CDC40: variants seen among roughly 807,000 people sequenced by gnomAD.
The protein encoded by CDC40 is cell division cycle 40.
CDC40 carries 27 observed loss-of-function variants against 80.6 expected under a neutral mutation model. The ratio of observed to expected loss-of-function variants is 0.33; its 90% CI spans 0.25 to 0.46. The LOEUF (loss-of-function observed/expected upper bound fraction) is 0.46. Among genes scored for constraint, CDC40 ranks in the 20% least tolerant of loss-of-function variants. CDC40 has a pLI of 1.00. For missense variants in CDC40, 486 were observed against 694.1 expected (o/e 0.70, Z 3.37); for synonymous variants, 221 against 232.6 (o/e 0.95, Z 0.45).
chr6:110,205,654 C>A (rs920841596), intron 3 of CDC40, among the ~76,000 whole-genome samples: 1 of 152,126 alleles, frequency 6.6e-6, no homozygotes, highest in East Asian at 1.9e-4. Flanking sequence ...ACCAGGGATA[C>A]CTCTTCCCTC....
chr6:110,208,981 T>C, intron 4 of CDC40, 103 bp from the exon 5 acceptor site: 1 of 765,308 alleles, frequency 1.3e-6, no homozygotes, highest in Non-Finnish European at 2.0e-6. Context: ...CATCTTTCTT[T>C]AACCATATAA....
chr6:110,188,490 T>G (rs934010791), intron 1 of CDC40, among the ~76,000 whole-genome samples: 5 of 152,202 alleles, frequency 3.3e-5, no homozygotes, highest in African/African-American at 1.2e-4. Context: ...ATATTTGTCA[T>G]CTTTTCAATG....
At chr6:110,191,094 T>C (rs76421166) in intron 1 of CDC40, among the ~76,000 whole-genome samples, 7,827 of 152,256 alleles carry the variant, frequency 0.051, 224 homozygotes, top group East Asian at 0.12. Flanking sequence ...CTTTAAGAAG[T>C]AGAGAAACTA....
At chr6:110,194,594 G>T (rs1243028123) in intron 2 of CDC40, among the ~76,000 whole-genome samples, 3 of 152,136 alleles carry the variant, frequency 2.0e-5, no homozygotes, top group African/African-American at 7.2e-5. Flanking sequence ...ATTCCATTGT[G>T]TCTTAAATCC....
intron 1 of CDC40, among the ~76,000 whole-genome samples, chr6:110,183,808 G>C (rs1279257279): frequency 1.3e-5 from 2 of 152,092 alleles, no homozygotes; most frequent in South Asian, 2.1e-4. Flanking sequence ...CTGCAGTTGA[G>C]TATCTTTTAA....
intron 2 of CDC40, among the ~76,000 whole-genome samples, chr6:110,199,522 A>T (rs1449425290): frequency 6.6e-6 from 1 of 150,576 alleles, no homozygotes; most frequent in East Asian, 2.0e-4. Flanking sequence ...TGAACCCGGG[A>T]GGCAGAGCTT....
At position 110,219,667 on chromosome 6, in the gene CDC40, T is replaced by C. The variant is rs765831407; in HGVS notation, c.1207-69T>C. ...TTGAAGATCTTCTCCTTCTCCACTT[T>C]CCAGAATTATGGTCTTTCATAAATC... On this transcript the variant is annotated intron_variant, in intron 11 of 14. Coordinates refer to ENST00000307731, the MANE Select transcript of CDC40 (RefSeq NM_015891.3). The C allele has an allele frequency of 1.3e-4, 194 of 1,527,304 alleles. 1 individual carries two copies. Among genetic ancestry groups the C allele is most frequent in the East Asian group, 5.2e-4 (23 of 44,240 alleles). The allele number at this position is 1,527,304 out of a possible 1,614,324, so 94.6% of individuals were successfully genotyped here.
intron 14 of CDC40, among the ~76,000 whole-genome samples, chr6:110,229,533 T>C (rs1283375997): frequency 6.6e-6 from 1 of 152,206 alleles, no homozygotes; most frequent in Non-Finnish European, 1.5e-5. Flanking sequence ...GGCCTACCTC[T>C]GATTCAGTCT....
intron 1 of CDC40, among the ~76,000 whole-genome samples, chr6:110,192,002 C>G (rs1777354845): frequency 6.6e-6 from 1 of 152,158 alleles, no homozygotes; most frequent in African/African-American, 2.4e-5. Flanking sequence ...TACAGGAAAA[C>G]AAAAATGCCC....
At chr6:110,218,917 A>T (rs572610610) in intron 10 of CDC40, among the ~76,000 whole-genome samples, 1 of 146,196 alleles carries the variant, frequency 6.8e-6, no homozygotes, top group African/African-American at 2.6e-5. Context: ...AAGGTTTCTT[A>T]TGCCCTTTTC....
Sources: allele counts gnomAD v4.1 joint callset (sites outside exome capture counted in the v4.1 genomes callset), GRCh38; gene constraint gnomAD v4.1.1; transcripts MANE v1.5; gene names NCBI Gene and HGNC (gene_info 2026-07-23, HGNC 2026-07-21).